Variants in KCNN2 observed in about 807,000 individuals in gnomAD.
KCNN2 encodes small conductance calcium-activated potassium channel protein 2.
In KCNN2, 24 loss-of-function variants were observed where a neutral mutation model predicts 55.5. That is an observed-to-expected ratio of 0.43 (90% CI 0.31 to 0.61). The LOEUF (loss-of-function observed/expected upper bound fraction) is 0.61. Among genes scored for constraint, KCNN2 ranks in the 20% least tolerant of loss-of-function variants. The pLI is 0.08. For missense variants in KCNN2, 754 were observed against 853.6 expected, an observed-to-expected ratio of 0.88 and a Z score of 1.45; for synonymous variants, 431 against 336.1, an observed-to-expected ratio of 1.28 and a Z score of -3.09.
At chr5:114,365,869 G>C (rs1757584973) in intron 2 of KCNN2, among the ~76,000 whole-genome samples, 1 of 149,776 alleles carries the variant, frequency 6.7e-6, no homozygotes, top group Admixed American at 6.7e-5. Flanking sequence ...TTAAATATCA[G>C]CTTTGTGTTA....
At chr5:114,260,935 G>C (rs1755095636) in intron 2 of KCNN2, among the ~76,000 whole-genome samples, 1 of 152,066 alleles carries the variant, frequency 6.6e-6, no homozygotes, top group Non-Finnish European at 1.5e-5. Context: ...AGAAGGAAGA[G>C]GAAAAAAGAA....
At chr5:114,229,720 G>C (rs891515282) in intron 2 of KCNN2, among the ~76,000 whole-genome samples, 2 of 147,484 alleles carry the variant, frequency 1.4e-5, no homozygotes, top group Admixed American at 1.4e-4. Context: ...ATTTTGTTCA[G>C]GTTTAATTAT....
chr5:114,155,061 C>G (rs1580565513), intron 1 of KCNN2, among the ~76,000 whole-genome samples: 1 of 152,100 alleles, frequency 6.6e-6, no homozygotes, highest in East Asian at 1.9e-4. Context: ...CAAATAGGCC[C>G]CAGTCTGTGT....
At chr5:114,385,635 C>G (rs1457472422) in intron 2 of KCNN2, among the ~76,000 whole-genome samples, 3 of 151,630 alleles carry the variant, frequency 2.0e-5, no homozygotes, top group Admixed American at 2.0e-4. Context: ...TGCCTTTTAC[C>G]TAGAATATAC....
Position 114,241,793 on chromosome 5 carries a change from T to TATAC in KCNN2, c.-185+20228_-185+20229insATAC, listed in dbSNP as rs1491497793. Among the ~76,000 whole-genome samples the TATAC allele has an allele frequency of 6.9e-3, 159 of 23,048 alleles. 35 individuals carry two copies. Among genetic ancestry groups the TATAC allele is most frequent in the South Asian group, 0.013 (6 of 478 alleles). 15.1% of individuals were successfully genotyped at this position (23,048 alleles called of 152,430 possible). ...ATATATACATATATACGTATATATA[T>TATAC]GTATATATATACGTATATATATATA... On this transcript the variant is annotated intron_variant, in intron 2 of 10. Coordinates refer to the KCNN2 transcript ENST00000512097.
chr5:114,207,491 C>A (rs1211772046), intron 1 of KCNN2, among the ~76,000 whole-genome samples: 1 of 152,196 alleles, frequency 6.6e-6, no homozygotes, highest in Non-Finnish European at 1.5e-5. Context: ...ATTACATGAT[C>A]TTTGCAGAAA....
intron 2 of KCNN2, among the ~76,000 whole-genome samples, chr5:114,338,086 A>C (rs1312595358): frequency 6.6e-6 from 1 of 152,228 alleles, no homozygotes; most frequent in East Asian, 1.9e-4. Context: ...AGGACATTTT[A>C]TGAATAGCGT....
intron 4 of KCNN2, among the ~76,000 whole-genome samples, chr5:114,466,175 C>T (rs1761438616): frequency 6.6e-6 from 1 of 152,248 alleles, no homozygotes; most frequent in African/African-American, 2.4e-5. Flanking sequence ...ACTCACTACC[C>T]TTCAAGAGAA....
chr5:114,137,052 C>T (rs916806110), intron 1 of KCNN2, among the ~76,000 whole-genome samples: 7 of 152,130 alleles, frequency 4.6e-5, no homozygotes, highest in Non-Finnish European at 1.0e-4. Flanking sequence ...AAACTGCTTT[C>T]ATCTTTATCT....
chr5:114,223,655 C>A (rs1005958085), intron 2 of KCNN2, among the ~76,000 whole-genome samples: 2 of 152,036 alleles, frequency 1.3e-5, no homozygotes, highest in African/African-American at 2.4e-5. Flanking sequence ...GAATTGACAA[C>A]CTGAAAAAAG....
chr5:114,180,757 C>T lies in KCNN2; in HGVS notation c.-270-40723C>T, dbSNP rs1045725367. Among the ~76,000 whole-genome samples the T allele has an allele frequency of 2.0e-5, 3 of 152,132 alleles. No homozygotes were observed. The East Asian group carries it at 5.8e-4, about 29-fold the overall frequency. ...AATACAATACAGACTATAGCCATCA[C>T]TGCAAAAAGTTCCCTCAGCCCCCTT... On this transcript the variant is annotated intron_variant, in intron 1 of 10. Transcript: ENST00000512097.
chr5:114,350,803 T>C (rs1757192439), intron 2 of KCNN2, among the ~76,000 whole-genome samples: 1 of 151,876 alleles, frequency 6.6e-6, no homozygotes, highest in Non-Finnish European at 1.5e-5. Flanking sequence ...CAATTCTGTT[T>C]CATTGGTCCT....
At chr5:114,345,177 A>G (rs1173862940) in intron 2 of KCNN2, among the ~76,000 whole-genome samples, 3 of 152,242 alleles carry the variant, frequency 2.0e-5, no homozygotes, top group African/African-American at 4.8e-5. Flanking sequence ...TCATATAGAT[A>G]CATTTCCAAA....
intron 2 of KCNN2, among the ~76,000 whole-genome samples, chr5:114,289,763 G>T (rs766698046): frequency 1.3e-5 from 2 of 152,078 alleles, no homozygotes; most frequent in Non-Finnish European, 2.9e-5. Flanking sequence ...GGCTAGTATT[G>T]CCATCTTAAC....
intron 2 of KCNN2, among the ~76,000 whole-genome samples, chr5:114,271,834 A>C (rs1218797105): frequency 1.3e-5 from 2 of 152,154 alleles, no homozygotes; most frequent in Non-Finnish European, 2.9e-5. Flanking sequence ...TTCTGTGTGA[A>C]ATTGGACAGG....
chr5:114,368,458 G>A (rs546896467), intron 2 of KCNN2, among the ~76,000 whole-genome samples: 1 of 152,126 alleles, frequency 6.6e-6, no homozygotes, highest in Admixed American at 6.5e-5. Context: ...AGTGAGTGAG[G>A]GTGGGGGCCT....
At position 114,362,968 on chromosome 5, in the gene KCNN2, G is replaced by C; in HGVS notation, c.829G>C (p.Glu277Gln). 6.3e-7 allele frequency: 1 copy of C among 1,589,136 alleles called. No homozygotes were observed. The highest frequency in any genetic ancestry group is 1.3e-5 in the African/African-American group (1 of 74,680). Residue 277 changes from glutamate (E) to glutamine (Q), a missense_variant, in exon 1 of 8, where the codon GAG (glutamate) becomes CAG (glutamine). By Grantham distance (29) the Glu-to-Gln change is conservative (BLOSUM62 2). Transcript: ENST00000673685. Reference sequence around the variant, plus strand: ...CGCCGCTGTTTCGTCCTCAGCCCCCGAGATCGTGGTGTCTAAGCCCGAGCA... The same window carrying C: ...CGCCGCTGTTTCGTCCTCAGCCCCCCAGATCGTGGTGTCTAAGCCCGAGCA... ...AAAAVSSSAPEIVVSKPEHNN... is the reference protein window; with the variant it reads ...AAAAVSSSAPQIVVSKPEHNN...
intron 2 of KCNN2, among the ~76,000 whole-genome samples, chr5:114,296,379 C>T (rs1756012295): frequency 1.3e-5 from 2 of 152,118 alleles, no homozygotes; most frequent in South Asian, 4.1e-4. Context: ...GGAATCTTGC[C>T]TCGGCTGCTG....
intron 3 of KCNN2, among the ~76,000 whole-genome samples, chr5:114,458,219 T>C (rs771634100): frequency 3.4e-4 from 52 of 152,208 alleles, no homozygotes; most frequent in Non-Finnish European, 4.4e-5. Context: ...ATGGCTGACA[T>C]TTGAGACCAG....
Sources: allele counts gnomAD v4.1 joint callset (sites outside exome capture counted in the v4.1 genomes callset), GRCh38; gene constraint gnomAD v4.1.1; transcripts MANE v1.5; gene names NCBI Gene and HGNC (gene_info 2026-07-23, HGNC 2026-07-21).